The following ASRGL1 variants were observed in gnomAD, a reference collection of about 807,000 sequenced individuals.
ASRGL1 encodes the protein asparaginase and isoaspartyl peptidase 1.
ASRGL1 carries 16 observed loss-of-function variants against 22.4 expected under a neutral mutation model. That is an observed-to-expected ratio of 0.71 (90% CI 0.48 to 1.08). The LOEUF (loss-of-function observed/expected upper bound fraction) is 1.08, where lower values mean the gene tolerates loss of function less well. ASRGL1 is among the 50% of genes least tolerant of loss of function. ASRGL1 has a pLI of 0.00. For synonymous variants in ASRGL1, 165 were observed against 159.3 expected (o/e 1.04, Z -0.27); for missense variants, 412 against 410.1 (o/e 1.00, Z -0.04).
At position 62,337,546 on chromosome 11, in the gene ASRGL1, C is replaced by T. The variant is rs1945749859; in HGVS notation, c.-117C>T. Reference sequence around the variant, plus strand: ...GGGCTGGCTCGACCCAGCTTGAGGTCTCGGCGTCCGCGTCCTGCGGTGCCC... The same window carrying T: ...GGGCTGGCTCGACCCAGCTTGAGGTTTCGGCGTCCGCGTCCTGCGGTGCCC... On this transcript the variant is annotated 5_prime_UTR_variant, in exon 1 of 7. Transcript: ENST00000415229. 1 of 160,644 alleles carries T rather than the reference C, an allele frequency of 6.2e-6. No homozygotes were observed. Among genetic ancestry groups the T allele is most frequent in the African/African-American group, 2.4e-5 (1 of 41,582 alleles). 10.0% of individuals were successfully genotyped at this position (160,644 alleles called of 1,614,324 possible). A position where few individuals can be genotyped will look rare whatever the true frequency, so the allele number is the denominator to read the frequency against.
chr11:62,396,214 G>A (rs1249829679), downstream of ASRGL1, among the ~76,000 whole-genome samples: 1 of 151,864 alleles, frequency 6.6e-6, no homozygotes, highest in African/African-American at 2.4e-5. Context: ...GCAGAACCAG[G>A]CCTAGGAATG....
At chr11:62,371,270 G>A in intron 4 of ASRGL1, 6 of 1,352,792 alleles carry the variant, frequency 4.4e-6, no homozygotes, top group South Asian at 2.9e-5. Context: ...AGTAGCAGCA[G>A]TGGTGGCAGC....
At chr11:62,391,683 A>G in intron 6 of ASRGL1, 51 bp downstream of exon 6, 1 of 1,537,144 alleles carries the variant, frequency 6.5e-7, no homozygotes, top group Non-Finnish European at 8.8e-7. Context: ...AAGTGCATAG[A>G]AGGTATTTGA....
At chr11:62,393,992 A>G (rs1439902297), downstream of ASRGL1, among the ~76,000 whole-genome samples, 2 of 146,344 alleles carry the variant, frequency 1.4e-5, no homozygotes, top group Non-Finnish European at 3.0e-5. Context: ...TGAGGACACC[A>G]TATTAGATAT....
intron 4 of ASRGL1, among the ~76,000 whole-genome samples, chr11:62,377,940 G>A (rs1203643440): frequency 6.6e-6 from 1 of 152,136 alleles, no homozygotes; most frequent in South Asian, 2.1e-4. Flanking sequence ...GTGGGGCTAA[G>A]GGATCTATTC....
intron 4 of ASRGL1, among the ~76,000 whole-genome samples, chr11:62,358,643 G>T (rs1246320031): frequency 6.6e-6 from 1 of 152,138 alleles, no homozygotes; most frequent in Non-Finnish European, 1.5e-5. Flanking sequence ...CAAAACAATT[G>T]ACTTATTCCA....
chr11:62,374,653 C>G (rs930790111), intron 4 of ASRGL1, among the ~76,000 whole-genome samples: 1 of 152,148 alleles, frequency 6.6e-6, no homozygotes, highest in African/African-American at 2.4e-5. Flanking sequence ...CTTACCATGA[C>G]TCCTGCCCTT....
At chr11:62,397,977 G>A (rs1003929249), downstream of ASRGL1, among the ~76,000 whole-genome samples, 14 of 151,920 alleles carry the variant, frequency 9.2e-5, no homozygotes, top group East Asian at 3.9e-4. Flanking sequence ...TTAGGGCCCC[G>A]GGCCCCTCGG....
intron 4 of ASRGL1, chr11:62,371,554 G>T: frequency 1.4e-6 from 1 of 705,006 alleles, no homozygotes. Context: ...CAAGTACCCA[G>T]GGACACAATA....
intron 4 of ASRGL1, among the ~76,000 whole-genome samples, chr11:62,365,568 G>A (rs1178968923): frequency 6.6e-6 from 1 of 151,816 alleles, no homozygotes; most frequent in African/African-American, 2.4e-5. Flanking sequence ...ACAAAAAAAA[G>A]GCTGGGTGCG....
intron 4 of ASRGL1, among the ~76,000 whole-genome samples, chr11:62,365,193 G>C (rs1005307138): frequency 5.9e-5 from 9 of 152,158 alleles, no homozygotes; most frequent in Non-Finnish European, 8.8e-5. Flanking sequence ...TGTAGCATGC[G>C]TATGTCTGGA....
intron 4 of ASRGL1, among the ~76,000 whole-genome samples, chr11:62,364,044 A>G (rs1026614152): frequency 1.3e-5 from 2 of 151,442 alleles, no homozygotes; most frequent in Non-Finnish European, 2.9e-5. Flanking sequence ...CTGTAGTCCC[A>G]GCTTCTCGGG....
In ASRGL1 at chr11:62,357,522, A is replaced by T. The variant is rs1290547579; in HGVS notation, c.491+378A>T. Among the ~76,000 whole-genome samples, 9 of 150,624 alleles carry T rather than the reference A, an allele frequency of 6.0e-5. No homozygotes were observed. In the East Asian group the frequency reaches 1.8e-3, roughly 30 times the overall value. On this transcript the variant is annotated intron_variant, in intron 4 of 6. Coordinates refer to ENST00000415229, the MANE Select transcript of ASRGL1 (RefSeq NM_001083926.2). ...GGTGATCCACCTGCCTCGGCCTCCCAAAGTGCAGGGATTACAGGCATGAGC... is the reference window on the plus strand; with the variant it reads ...GGTGATCCACCTGCCTCGGCCTCCCTAAGTGCAGGGATTACAGGCATGAGC...
chr11:62,339,188 T>C (rs1451851711), intron 2 of ASRGL1, among the ~76,000 whole-genome samples: 2 of 152,220 alleles, frequency 1.3e-5, no homozygotes, highest in East Asian at 1.9e-4. Flanking sequence ...TTTCAAGATA[T>C]GGCGAAGAAA....
chr11:62,400,825 TAAGTGCATCTCCC>T, the ASRGL1 span, among the ~76,000 whole-genome samples: 13 of 152,246 alleles, frequency 8.5e-5, no homozygotes, highest in East Asian at 2.5e-3. Context: ...CACAACCAGT[TAAGTGCATCTCCC>T]TCCTTCTGAA....
chr11:62,393,767 A>C (rs529344583), downstream of ASRGL1, among the ~76,000 whole-genome samples: 162 of 152,256 alleles, frequency 1.1e-3, no homozygotes, highest in Middle Eastern at 3.4e-3. Context: ...TCCACAGACT[A>C]AGTGACTTAA....
rs756377040 is a variant in ASRGL1, at chr11:62,375,466, ATATATATATATATATT to A, written c.492-13665_492-13650del. On this transcript the variant is annotated intron_variant, in intron 4 of 6. Coordinates refer to ENST00000415229, the MANE Select transcript of ASRGL1 (RefSeq NM_001083926.2). ...TATATATATATATATATATATATATATATATATATATATATTTCTTGGAGTAAACATTTTAAATAAA... is the reference window on the plus strand; with the variant it reads ...TATATATATATATATATATATATATATCTTGGAGTAAACATTTTAAATAAA... Among the ~76,000 whole-genome samples, 595 of 91,626 alleles carry A rather than the reference ATATATATATATATATT, an allele frequency of 6.5e-3. 21 individuals carry two copies. The highest frequency in any genetic ancestry group is 0.04 in the East Asian group (125 of 3,160). The allele number at this position is 91,626 out of a possible 152,430, so 60.1% of individuals were successfully genotyped here.
At position 62,392,424 on chromosome 11, in the gene ASRGL1, A is replaced by C. The variant is rs1219165557; in HGVS notation, c.*140A>C. 16 of 1,025,370 alleles carry C rather than the reference A, an allele frequency of 1.6e-5. No homozygotes were observed. Among genetic ancestry groups the C allele is most frequent in the Non-Finnish European group, 2.3e-5 (16 of 701,246 alleles). 63.5% of individuals were successfully genotyped at this position (1,025,370 alleles called of 1,614,324 possible). A position where few individuals can be genotyped will look rare whatever the true frequency, so the allele number is the denominator to read the frequency against. Reference sequence around the variant, plus strand: ...GTTTTGTTGCCTTAATAAGCATCTGAATGTTTGGTTGTGGGGCGGGTTCTG... The same window carrying C: ...GTTTTGTTGCCTTAATAAGCATCTGCATGTTTGGTTGTGGGGCGGGTTCTG... On this transcript the variant is annotated 3_prime_UTR_variant, in exon 7 of 7. Transcript: ENST00000415229.
intron 2 of ASRGL1, among the ~76,000 whole-genome samples, chr11:62,339,381 A>C (rs1437533927): frequency 6.6e-6 from 1 of 152,148 alleles, no homozygotes; most frequent in African/African-American, 2.4e-5. Flanking sequence ...GGGAATAATG[A>C]GGCATGTCCT....
Sources: gnomAD v4.1 joint callset for allele counts (sites outside exome capture counted in the v4.1 genomes callset) on GRCh38, gnomAD v4.1.1 for gene constraint, MANE v1.5 for transcripts, NCBI Gene and HGNC (gene_info 2026-07-23, HGNC 2026-07-21) for gene names.